Variants in MROH2B observed in about 807,000 individuals in gnomAD.
MROH2B encodes maestro heat like repeat family member 2B, also known as maestro heat-like repeat-containing protein family member 2B.
A neutral mutation model predicts 208.6 loss-of-function variants in MROH2B; 177 were observed. That is an observed-to-expected ratio of 0.85 (90% CI 0.75 to 0.96). The LOEUF (loss-of-function observed/expected upper bound fraction) is 0.96, where lower values mean the gene tolerates loss of function less well. Ranked by LOEUF, MROH2B falls within the 40% of genes least tolerant of loss-of-function variation. The probability of loss-of-function intolerance (pLI) is 0.00; values close to 1 mark genes in which losing one functional copy is unlikely to be tolerated. For missense variants in MROH2B, 2,002 were observed against 1,878.7 expected (o/e 1.07, Z -1.21); for synonymous variants, 728 against 659.0 (o/e 1.10, Z -1.60).
intron 24 of MROH2B, among the ~76,000 whole-genome samples, chr5:41,025,183 T>A (rs1054796176): frequency 8.0e-5 from 12 of 150,712 alleles, no homozygotes; most frequent in Non-Finnish European, 1.3e-4. Context: ...ATAACTAAGA[T>A]CAGAGCAGAA....
At chr5:41,038,260 A>G (rs559067171) in intron 21 of MROH2B, among the ~76,000 whole-genome samples, 43 of 152,310 alleles carry the variant, frequency 2.8e-4, no homozygotes, top group African/African-American at 1.0e-3. Context: ...ATTACAGGGA[A>G]ATAATGAGCC....
chr5:41,027,381 T>C (rs1257971498), intron 24 of MROH2B, among the ~76,000 whole-genome samples: 1 of 152,094 alleles, frequency 6.6e-6, no homozygotes, highest in Non-Finnish European at 1.5e-5. Flanking sequence ...GGGCAAAGGA[T>C]ATGAACAGAC....
rs533282346 is a variant in MROH2B at position 41,048,324 on chromosome 5, C to T, written c.1684G>A (p.Gly562Arg). The part of the protein sequence containing the change: ...RLPELLQPLE[G>R]KNISTVLWET... ...AAGACCTGGCCCCAATCCCTTGTAC[C>T]TTCCAGAGGCTGCAGAAGCTCAGGT... is the stretch of plus-strand genomic sequence containing the variant. Residue 562 changes from glycine to arginine, a missense_variant and splice_region_variant, in exon 16 of 42, where the codon GGA (glycine) becomes AGA (arginine). Transcript: ENST00000399564. The T allele has an allele frequency of 1.2e-6, 2 of 1,611,788 alleles. No homozygotes were observed. The highest frequency in any genetic ancestry group is 2.2e-5 in the East Asian group (1 of 44,846).
intron 37 of MROH2B, 47 bp from the exon 38 acceptor site, chr5:41,000,880 T>C (rs760766647): frequency 3.5e-5 from 54 of 1,564,202 alleles, no homozygotes; most frequent in Non-Finnish European, 4.2e-5. Flanking sequence ...TCAGAGGCCA[T>C]TCCCTGCTAG....
At chr5:41,005,456 C>A in intron 35 of MROH2B, 75 bp downstream of exon 35, 1 of 603,626 alleles carries the variant, frequency 1.7e-6, no homozygotes. Flanking sequence ...TTCCAGTGCA[C>A]ACTGGGCTCC....
At chr5:41,046,441 GT>G (rs1554050443) in intron 17 of MROH2B, among the ~76,000 whole-genome samples, 17 of 147,364 alleles carry the variant, frequency 1.2e-4, no homozygotes, top group East Asian at 4.0e-4. Flanking sequence ...ATAGAAAAGT[GT>G]TTTTTTTTTC....
intron 34 of MROH2B, among the ~76,000 whole-genome samples, chr5:41,006,981 G>C (rs1281470801): frequency 1.3e-5 from 2 of 149,938 alleles, no homozygotes; most frequent in Non-Finnish European, 3.0e-5. Flanking sequence ...AAAACCTACT[G>C]AAATAAAAAA....
rs1459676538 is a variant in MROH2B at position 41,054,800 on chromosome 5, T to G, written c.1074A>C (p.Thr358=). 6 of 1,612,196 alleles carry G rather than the reference T, an allele frequency of 3.7e-6. No individual in the cohort carries two copies. Among genetic ancestry groups the G allele is most frequent in the Non-Finnish European group, 5.1e-6 (6 of 1,178,942 alleles). ...LRDHIISIER[T]VKIVMGDLST... ...TGAGATCACCCATGACGATTTTGAC[T>G]GTTCTTTCTATTGAAATGATGTGAT... Residue 358 remains threonine (T), a synonymous_variant, in exon 11 of 42, where the codon ACA becomes ACC. Coordinates refer to ENST00000399564, the MANE Select transcript of MROH2B (RefSeq NM_173489.5).
intron 9 of MROH2B, among the ~76,000 whole-genome samples, chr5:41,056,472 T>C (rs942509567): frequency 2.6e-5 from 4 of 151,730 alleles, no homozygotes; most frequent in Middle Eastern, 3.4e-3. Flanking sequence ...AGAAGTGATG[T>C]AGTATTTGGG....
chr5:41,052,915 A>C (rs1027083686), intron 11 of MROH2B, among the ~76,000 whole-genome samples: 10 of 152,164 alleles, frequency 6.6e-5, no homozygotes, highest in Non-Finnish European at 1.2e-4. Context: ...GGTGCTCAAA[A>C]AGTTTTGGAT....
chr5:41,021,759 C>T (rs1742157211), intron 24 of MROH2B, among the ~76,000 whole-genome samples: 1 of 152,026 alleles, frequency 6.6e-6, no homozygotes. Context: ...CACCTGTGGT[C>T]CCAGATACTT....
chr5:41,015,547 A>G, intron 28 of MROH2B, 69 bp from the exon 29 acceptor site: 2 of 1,378,152 alleles, frequency 1.5e-6, no homozygotes, highest in Non-Finnish European at 2.0e-6. Flanking sequence ...GGCTGGCTAT[A>G]TTTTGATATG....
chr5:41,012,672 G>A lies in MROH2B; in HGVS notation c.3046C>T (p.Leu1016=), dbSNP rs775569549. The change falls in exon 30 of 42, where the codon CTG becomes TTG. Residue 1016 remains leucine (L), a synonymous_variant. Transcript: ENST00000399564. ...GTACAAGTGGGGTTGAGGCTCTCCA[G>A]ACCGTCCAGCATTTCCTCTAGGAAC... ...LMFLEEMLDG[L]ESLNPTCTKA... 1.2e-6 allele frequency: 2 copies of A among 1,613,880 alleles called. No individual in the cohort carries two copies. The highest frequency in any genetic ancestry group is 1.7e-6 in the Non-Finnish European group (2 of 1,179,814).
chr5:41,054,152 G>A (rs1310505293), intron 11 of MROH2B, among the ~76,000 whole-genome samples: 2 of 152,158 alleles, frequency 1.3e-5, no homozygotes, highest in East Asian at 3.9e-4. Flanking sequence ...GCTAATTTTT[G>A]TATTTTTAGT....
chr5:41,066,491 C>T (rs936163578), intron 3 of MROH2B, among the ~76,000 whole-genome samples: 5 of 152,102 alleles, frequency 3.3e-5, no homozygotes, highest in African/African-American at 1.2e-4. Flanking sequence ...CTGGTCATTC[C>T]ACCTCTTGTC....
At chr5:41,047,642 G>T in intron 17 of MROH2B, 79 bp downstream of exon 17, 2 of 1,276,850 alleles carry the variant, frequency 1.6e-6, no homozygotes, top group Non-Finnish European at 2.2e-6. Context: ...CAGGAATCTA[G>T]TTCCTTTAAT....
intron 17 of MROH2B, among the ~76,000 whole-genome samples, chr5:41,046,096 C>G (rs1421193609): frequency 6.6e-6 from 1 of 152,034 alleles, no homozygotes; most frequent in Non-Finnish European, 1.5e-5. Flanking sequence ...ACTTCCTTTT[C>G]TTCCTTTAAA....
intron 33 of MROH2B, among the ~76,000 whole-genome samples, chr5:41,008,285 C>G (rs914802157): frequency 4.6e-5 from 7 of 151,872 alleles, no homozygotes; most frequent in African/African-American, 1.7e-4. Context: ...TCTTTTTTCC[C>G]TGGTGGCCTT....
At chr5:41,025,210 C>T (rs1313396797) in intron 24 of MROH2B, among the ~76,000 whole-genome samples, 2 of 151,668 alleles carry the variant, frequency 1.3e-5, no homozygotes, top group African/African-American at 2.4e-5. Flanking sequence ...GAGATAGAGA[C>T]ACAAAAAGCC....
Sources: allele counts gnomAD v4.1 joint callset (sites outside exome capture counted in the v4.1 genomes callset), GRCh38; gene constraint gnomAD v4.1.1; transcripts MANE v1.5; gene names NCBI Gene and HGNC (gene_info 2026-07-23, HGNC 2026-07-21).